MARCO: variants seen among roughly 807,000 people sequenced by gnomAD.
MARCO encodes macrophage receptor MARCO.
A neutral mutation model predicts 70.0 loss-of-function variants in MARCO; 72 were observed. That is an observed-to-expected ratio of 1.03 (90% CI 0.85 to 1.25). The LOEUF (loss-of-function observed/expected upper bound fraction) is 1.25. Among genes scored for constraint, MARCO ranks in the 50% most tolerant of loss-of-function variants. The probability of loss-of-function intolerance (pLI) is 0.00; values close to 1 mark genes in which losing one functional copy is unlikely to be tolerated. For missense variants in MARCO, 696 were observed against 659.3 expected (o/e 1.06, Z -0.61); for synonymous variants, 273 against 243.1 (o/e 1.12, Z -1.14).
intron 8 of MARCO, among the ~76,000 whole-genome samples, chr2:118,979,473 G>C (rs899087207): frequency 1.3e-5 from 2 of 152,144 alleles, no homozygotes; most frequent in Non-Finnish European, 2.9e-5. Context: ...TCCTTCCAAA[G>C]CTGGAACAAC....
At position 118,949,767 on chromosome 2, in the gene MARCO, C is replaced by T. The variant is rs1482982874; in HGVS notation, c.97+7370C>T. On this transcript the variant is annotated intron_variant, in intron 1 of 16. Coordinates refer to ENST00000327097, the MANE Select transcript of MARCO (RefSeq NM_006770.4). ...GGTGTCATGTGTCCATCCCTTTCCG[C>T]TGTACGAACAGCAGTCTCGATGGTT... 8 of 152,176 alleles carry T rather than the reference C, an allele frequency of 5.3e-5. No homozygotes were observed. In the South Asian group the frequency reaches 1.5e-3, roughly 28 times the overall value. The allele number at this position is 152,176 out of a possible 1,614,324, so 9.4% of individuals were successfully genotyped here.
Position 118,942,399 on chromosome 2 carries a change from T to C in MARCO, c.97+2T>C. 1 of 1,604,072 alleles carries C rather than the reference T, an allele frequency of 6.2e-7. No homozygotes were observed. The highest frequency in any genetic ancestry group is 1.1e-5 in the South Asian group (1 of 90,868). The stretch of plus-strand genomic sequence containing the variant: ...CAATGGAGCCTTTCGAAATCAATGG[T>C]AAAGTACGATTCCCCAATAATGGAA... On this transcript the variant is annotated splice_donor_variant, in intron 1 of 16. Coordinates refer to ENST00000327097, the MANE Select transcript of MARCO (RefSeq NM_006770.4). LOFTEE classifies it high-confidence loss of function.
intron 12 of MARCO, among the ~76,000 whole-genome samples, chr2:118,985,233 G>T (rs1271066196): frequency 2.6e-5 from 4 of 152,164 alleles, no homozygotes; most frequent in African/African-American, 9.7e-5. Flanking sequence ...CCAGAGTTGT[G>T]CTTTTCCAGA....
intron 1 of MARCO, among the ~76,000 whole-genome samples, chr2:118,948,910 A>G (rs185223688): frequency 1.3e-5 from 2 of 152,340 alleles, no homozygotes; most frequent in African/African-American, 4.8e-5. Context: ...CAGAGTGTCC[A>G]GTAATGGTCC....
chr2:118,947,848 G>T (rs894221632), intron 1 of MARCO, among the ~76,000 whole-genome samples: 1 of 152,120 alleles, frequency 6.6e-6, no homozygotes, highest in African/African-American at 2.4e-5. Flanking sequence ...AAATTTAAGT[G>T]TCAGCTTGTC....
chr2:118,970,458 C>T (rs912388404), intron 3 of MARCO, 120 bp downstream of exon 3: 2 of 726,454 alleles, frequency 2.8e-6, no homozygotes, highest in Non-Finnish European at 2.3e-6. Context: ...GAGCCAGGGA[C>T]TTAGAGCAAC....
intron 7 of MARCO, 54 bp from the exon 8 acceptor site, chr2:118,977,774 G>C: frequency 7.2e-7 from 1 of 1,390,392 alleles, no homozygotes; most frequent in Non-Finnish European, 1.0e-6. Context: ...GCCTCTGGTA[G>C]CCTGTCCCCA....
chr2:118,947,251 G>T (rs1679618425), intron 1 of MARCO, among the ~76,000 whole-genome samples: 1 of 152,112 alleles, frequency 6.6e-6, no homozygotes. Context: ...TGTTGGTGAA[G>T]ATTTTCTTCT....
chr2:118,981,489 G>A lies in MARCO; in HGVS notation c.847G>A (p.Gly283Arg), dbSNP rs772651380. The A allele has an allele frequency of 2.4e-5, 38 of 1,600,714 alleles. No homozygotes were observed. The highest frequency in any genetic ancestry group is 5.7e-5 in the South Asian group (5 of 88,276). The change falls in exon 9 of 17, where the codon GGG becomes AGG. Residue 283 changes from glycine (G) to arginine (R), a missense_variant. Gly to Arg is a moderately radical substitution (Grantham distance 125). Transcript: ENST00000327097. ...AGCCCAGGGGAGTAAAGGTGACTTC[G>A]GGAGGCCAGGCCCACCAGGTAAGAG... ...PGAQGSKGDF[G>R]RPGPPGLAGF...
rs1423969801 is a variant in MARCO at position 118,992,908 on chromosome 2, C to T, written c.1253-216C>T. On this transcript the variant is annotated intron_variant, in intron 15 of 16. Transcript: ENST00000327097. ...CAAACCAGCCACAGGGGCACCTGCC[C>T]CTGTGGCCTTGTGCCTGCAGGCCCC... 3 of 531,080 alleles carry T rather than the reference C, an allele frequency of 5.6e-6. No homozygotes were observed. In the African/African-American group the frequency reaches 5.8e-5, roughly 10 times the overall value. 32.9% of individuals were successfully genotyped at this position (531,080 alleles called of 1,614,324 possible).
intron 12 of MARCO, among the ~76,000 whole-genome samples, chr2:118,986,652 A>AAG (rs1680500410): frequency 1.2e-4 from 6 of 48,442 alleles, no homozygotes; most frequent in African/African-American, 4.7e-4. Context: ...AAAGAAAGAA[A>AAG]GAAGGAAGGA....
At chr2:118,981,750 G>A in intron 10 of MARCO, 94 bp downstream of exon 10, 3 of 1,288,688 alleles carry the variant, frequency 2.3e-6, no homozygotes, top group Non-Finnish European at 3.3e-6. Flanking sequence ...TTGCTTCATT[G>A]TAGTATTCAC....
chr2:118,985,554 T>G (rs757640855), intron 12 of MARCO, among the ~76,000 whole-genome samples: 3 of 152,200 alleles, frequency 2.0e-5, no homozygotes, highest in Non-Finnish European at 4.4e-5. Flanking sequence ...CTGCAGAACC[T>G]TCTCTCAGGG....
At chr2:118,967,414 C>T (rs192308709) in intron 1 of MARCO, among the ~76,000 whole-genome samples, 80 of 152,212 alleles carry the variant, frequency 5.3e-4, no homozygotes, top group African/African-American at 1.4e-3. Flanking sequence ...GGAGAGCTGG[C>T]CAGACGGGCT....
chr2:118,991,988 A>T, intron 14 of MARCO, 113 bp downstream of exon 14: 1 of 768,526 alleles, frequency 1.3e-6, no homozygotes, highest in South Asian at 1.7e-5. Context: ...TTCAGAACCC[A>T]GGAGGGTAGA....
At chr2:118,972,311 G>A (rs1285917644) in intron 4 of MARCO, among the ~76,000 whole-genome samples, 3 of 152,178 alleles carry the variant, frequency 2.0e-5, no homozygotes, top group Non-Finnish European at 4.4e-5. Flanking sequence ...ATTTCCCCCT[G>A]AGGATAAATA....
chr2:118,952,379 AGTGT>A (rs2104552039), intron 1 of MARCO, among the ~76,000 whole-genome samples: 1 of 152,082 alleles, frequency 6.6e-6, no homozygotes, highest in Admixed American at 6.5e-5. Context: ...GGCCCCTTTT[AGTGT>A]TGGCGTGCAG....
chr2:118,982,991 T>C lies in MARCO; in HGVS notation c.1063+581T>C, dbSNP rs545969153. The stretch of plus-strand genomic sequence containing the variant: ...ATAAGCCGTTTTGGTCCAGTCACAG[T>C]GTGCTTGCTTGGTCTAGAAAGTCCA... On this transcript the variant is annotated intron_variant, in intron 12 of 16. Coordinates refer to ENST00000327097, the MANE Select transcript of MARCO (RefSeq NM_006770.4). Among the ~76,000 whole-genome samples, 19 of 152,362 alleles carry C rather than the reference T, an allele frequency of 1.2e-4. No individual in the cohort carries two copies. The East Asian group carries it at 3.7e-3, about 29-fold the overall frequency.
At chr2:118,950,587 C>G (rs1307259328) in intron 1 of MARCO, among the ~76,000 whole-genome samples, 1 of 152,206 alleles carries the variant, frequency 6.6e-6, no homozygotes, top group Non-Finnish European at 1.5e-5. Flanking sequence ...GTTTTACATT[C>G]AGGAGGCCTA....
Sources: gnomAD v4.1 joint callset for allele counts (sites outside exome capture counted in the v4.1 genomes callset) on GRCh38, gnomAD v4.1.1 for gene constraint, MANE v1.5 for transcripts, NCBI Gene and HGNC (gene_info 2026-07-23, HGNC 2026-07-21) for gene names.